The following TRANK1 variants were observed in gnomAD, a reference collection of about 807,000 sequenced individuals.
TRANK1 encodes the protein TPR and ankyrin repeat-containing protein 1.
TRANK1 carries 198 observed loss-of-function variants against 266.0 expected under a neutral mutation model. The ratio of observed to expected loss-of-function variants is 0.74; its 90% CI spans 0.66 to 0.84. The LOEUF (loss-of-function observed/expected upper bound fraction) is 0.84. Ranked by LOEUF, TRANK1 falls within the 40% of genes least tolerant of loss-of-function variation. The pLI is 0.00. For synonymous variants in TRANK1, 1,396 were observed against 1,384.1 expected, an observed-to-expected ratio of 1.01 and a Z score of -0.19; for missense variants, 3,326 against 3,634.6, an observed-to-expected ratio of 0.92 and a Z score of 2.18.
chr3:36,831,135 C>T lies in TRANK1; in HGVS notation c.8448G>A (p.Glu2816=), dbSNP rs767889056. The T allele has an allele frequency of 6.2e-7, 1 of 1,614,012 alleles. No homozygotes were observed. Residue 2816 remains glutamate, a synonymous_variant, in exon 22 of 24, where the codon GAG becomes GAA. Transcript: ENST00000645898. The surrounding 1 kb of genome is among the most constrained non-coding windows in gnomAD (Gnocchi z 5.0). ...EREECQERNS[E]SYEQHIHLEH... is the part of the protein sequence containing the mutation. ...CTAGATGGATATGCTGCTCGTAAGA[C>T]TCGCTGTTCCTCTCCTGACACTCCT...
At chr3:36,879,563 T>C (rs35595120) in intron 8 of TRANK1, among the ~76,000 whole-genome samples, 2,740 of 106,086 alleles carry the variant, frequency 0.026, 172 homozygotes, top group Middle Eastern at 0.049. Context: ...TATAAATATA[T>C]AAATATATAA....
At position 36,831,282 on chromosome 3, in the gene TRANK1, G is replaced by A; in HGVS notation, c.8301C>T (p.Thr2767=). 1 of 1,613,274 alleles carries A rather than the reference G, an allele frequency of 6.2e-7. No homozygotes were observed. Residue 2767 remains threonine, a synonymous_variant, in exon 22 of 24, where the codon ACC becomes ACT. Transcript: ENST00000645898. This position sits in a 1 kb window ranked among gnomAD's most constrained non-coding sequence, Gnocchi z 5.0. ...ACTTCACTCCACATAGGTCACACTG[G>A]GTCCTGTCCACGTCTGCCTTTTTGA... is the stretch of plus-strand genomic sequence containing the variant. ...GNFKKADVDR[T]QCDLCGVKFT... is the part of the protein sequence containing the mutation.
chr3:36,874,323 T>G (rs4296548), intron 8 of TRANK1, 27 bp from the exon 9 acceptor site: 932,341 of 1,531,102 alleles, frequency 0.61, 285,800 homozygotes, highest in African/African-American at 0.71. Flanking sequence ...TGAGAAGGGG[T>G]GTTTGTCATG....
chr3:36,941,033 G>A (rs2080489720), intron 1 of TRANK1, among the ~76,000 whole-genome samples: 1 of 152,172 alleles, frequency 6.6e-6, no homozygotes, highest in African/African-American at 2.4e-5. Flanking sequence ...GATTGCCCTG[G>A]TGGCCACAGC....
Position 36,828,234 on chromosome 3 carries a change from G to C in TRANK1, c.*41C>G. The C allele has an allele frequency of 6.9e-7, 1 of 1,442,882 alleles. No individual in the cohort carries two copies. The allele number at this position is 1,442,882 out of a possible 1,614,324, so 89.4% of individuals were successfully genotyped here. A position where few individuals can be genotyped will look rare whatever the true frequency, so the allele number is the denominator to read the frequency against. On this transcript the variant is annotated 3_prime_UTR_variant, in exon 24 of 24. Transcript: ENST00000645898. The stretch of plus-strand genomic sequence containing the variant: ...AGCGCTCAGAATTCTAAGTCAGAAT[G>C]GAATGTTCCGAAGGATGAGGAGGCT...
rs781493597 is a variant in TRANK1, at chr3:36,847,261, GGT to G, written c.4971_4972del (p.Leu1659GlyfsTer43). The G allele has an allele frequency of 5.8e-5, 93 of 1,613,432 alleles. No individual in the cohort carries two copies. Among genetic ancestry groups the G allele is most frequent in the Non-Finnish European group, 7.5e-5 (89 of 1,179,722 alleles). On this transcript the variant is annotated frameshift_variant, in exon 16 of 24. Coordinates refer to ENST00000645898, the MANE Select transcript of TRANK1 (RefSeq NM_001329998.2). LOFTEE classifies it high-confidence loss of function. Reference sequence around the variant, plus strand: ...CTGAGAAGAGCCTGGTTTGTCCAGGGGTACTTCAACCAATGGCCGGTTTTCCT... The same window carrying G: ...CTGAGAAGAGCCTGGTTTGTCCAGGGACTTCAACCAATGGCCGGTTTTCCT...
rs1249791535 is a variant in TRANK1 at position 36,918,495 on chromosome 3, GA to G, written c.24-10042del. On this transcript the variant is annotated intron_variant, in intron 1 of 23. Coordinates refer to ENST00000645898, the MANE Select transcript of TRANK1 (RefSeq NM_001329998.2). ...AGAAAGAAAGAAAGAAAGAAAGAAAGAAAGAAAGAAAGAAAGAAAGAAAGAA... is the reference window on the plus strand; with the variant it reads ...AGAAAGAAAGAAAGAAAGAAAGAAAGAAGAAAGAAAGAAAGAAAGAAAGAA... Among the ~76,000 whole-genome samples, 90 of 20,278 alleles carry G rather than the reference GA, an allele frequency of 4.4e-3. 1 individual carries two copies. Among genetic ancestry groups the G allele is most frequent in the African/African-American group, 0.012 (66 of 5,344 alleles). The allele number at this position is 20,278 out of a possible 152,430, so 13.3% of individuals were successfully genotyped here.
At chr3:36,904,450 G>A (rs889134557) in intron 2 of TRANK1, among the ~76,000 whole-genome samples, 3 of 151,618 alleles carry the variant, frequency 2.0e-5, no homozygotes, top group African/African-American at 4.8e-5. Context: ...AACCCAGGAG[G>A]AGGAGATTTC....
chr3:36,938,287 C>T lies in TRANK1; in HGVS notation c.23+6500G>A, dbSNP rs997626949. Among the ~76,000 whole-genome samples the T allele has an allele frequency of 1.6e-4, 25 of 152,204 alleles. No homozygotes were observed. The South Asian group carries it at 3.3e-3, about 20-fold the overall frequency. ...AGGCTGGAGTGCAGTGGCCTGGTCTCGGCTCACTGCAACCTCCGCCTCCTG... is the reference window on the plus strand; with the variant it reads ...AGGCTGGAGTGCAGTGGCCTGGTCTTGGCTCACTGCAACCTCCGCCTCCTG... On this transcript the variant is annotated intron_variant, in intron 1 of 23. Coordinates refer to ENST00000645898, the MANE Select transcript of TRANK1 (RefSeq NM_001329998.2).
At chr3:36,870,962 TAAAAAAAAAA>T (rs563787088) in intron 9 of TRANK1, among the ~76,000 whole-genome samples, 2 of 65,100 alleles carry the variant, frequency 3.1e-5, no homozygotes, top group African/African-American at 5.8e-5. Flanking sequence ...ACAAGGAAAC[TAAAAAAAAAA>T]AAAAAAAAAA....
chr3:36,840,373 A>T (rs1260466313), intron 18 of TRANK1, among the ~76,000 whole-genome samples: 1 of 152,212 alleles, frequency 6.6e-6, no homozygotes, highest in Non-Finnish European at 1.5e-5. Flanking sequence ...ACTTAGGAAA[A>T]TACTTTCCAG....
At chr3:36,901,439 C>A (rs1424526031) in intron 3 of TRANK1, among the ~76,000 whole-genome samples, 6 of 152,162 alleles carry the variant, frequency 3.9e-5, no homozygotes, top group African/African-American at 1.4e-4. Flanking sequence ...CCCCTAGAGA[C>A]CTAAAACTCT....
intron 13 of TRANK1, among the ~76,000 whole-genome samples, chr3:36,852,773 A>G (rs2079001696): frequency 1.0e-5 from 1 of 96,466 alleles, no homozygotes; most frequent in South Asian, 3.6e-4. Flanking sequence ...CTCCATCTCA[A>G]TTAAAAAAAA....
chr3:36,869,609 A>G (rs1315603279), intron 9 of TRANK1, among the ~76,000 whole-genome samples: 1 of 152,220 alleles, frequency 6.6e-6, no homozygotes, highest in Non-Finnish European at 1.5e-5. Flanking sequence ...GGTCCATAAA[A>G]ACAAAGTAGA....
intron 9 of TRANK1, among the ~76,000 whole-genome samples, chr3:36,871,676 A>T (rs2079312185): frequency 6.6e-6 from 1 of 152,242 alleles, no homozygotes; most frequent in African/African-American, 2.4e-5. Flanking sequence ...ACACCCATGA[A>T]AAGGAAAAAA....
At position 36,944,832 on chromosome 3, in the gene TRANK1, C is replaced by T; in HGVS notation, c.-23G>A. On this transcript the variant is annotated 5_prime_UTR_variant, in exon 1 of 24. In the 5' UTR this introduces an upstream ATG that the reference lacks. Coordinates refer to ENST00000645898, the MANE Select transcript of TRANK1 (RefSeq NM_001329998.2). The stretch of plus-strand genomic sequence containing the variant: ...CATGGCTGCGGCCGGAGGGTCCGCA[C>T]CAGGACCGCCGCCGCCTGGGGAAGC... 1 of 1,459,314 alleles carries T rather than the reference C, an allele frequency of 6.9e-7. No homozygotes were observed. The allele number at this position is 1,459,314 out of a possible 1,614,324, so 90.4% of individuals were successfully genotyped here.
intron 1 of TRANK1, among the ~76,000 whole-genome samples, chr3:36,925,628 TCAC>T (rs1347946902): frequency 6.6e-6 from 1 of 150,824 alleles, no homozygotes. Flanking sequence ...TCTCGCTCTG[TCAC>T]CCAGGCTGGA....
At chr3:36,854,889 C>T (rs923822547) in intron 13 of TRANK1, among the ~76,000 whole-genome samples, 11 of 151,762 alleles carry the variant, frequency 7.2e-5, no homozygotes, top group African/African-American at 2.2e-4. Flanking sequence ...AGTTCTCAAA[C>T]AGTTTAAATG....
intron 23 of TRANK1, 151 bp downstream of exon 23, chr3:36,829,413 A>G: frequency 1.5e-6 from 1 of 664,036 alleles, no homozygotes; most frequent in Non-Finnish European, 2.6e-6. Flanking sequence ...GTTGCTAGTA[A>G]TTTGAGTCAC....
Sources: allele counts gnomAD v4.1 joint callset (sites outside exome capture counted in the v4.1 genomes callset), GRCh38; gene constraint gnomAD v4.1.1; non-coding constraint Gnocchi (gnomAD v3.1); transcripts MANE v1.5; gene names NCBI Gene and HGNC (gene_info 2026-07-23, HGNC 2026-07-21).